Variants in CDC42BPA observed in about 807,000 individuals in gnomAD.
CDC42BPA encodes the protein CDC42 binding protein kinase alpha, also known as serine/threonine-protein kinase MRCK alpha.
In CDC42BPA, 80 loss-of-function variants were observed where a neutral mutation model predicts 223.5. The observed-to-expected ratio is 0.36, with a 90% confidence interval of 0.30 to 0.43. CDC42BPA has a LOEUF of 0.43. CDC42BPA is among the 20% of genes least tolerant of loss of function. The probability of loss-of-function intolerance (pLI) is 1.00; values close to 1 mark genes in which losing one functional copy is unlikely to be tolerated. For missense variants in CDC42BPA, 1,743 were observed against 2,099.9 expected (o/e 0.83, Z 3.32); for synonymous variants, 694 against 718.6 (o/e 0.97, Z 0.55).
intron 9 of CDC42BPA, among the ~76,000 whole-genome samples, 194 bp downstream of exon 9, chr1:227,142,751 C>T (rs546107488): frequency 6.6e-6 from 1 of 152,224 alleles, no homozygotes; most frequent in Non-Finnish European, 1.5e-5. Flanking sequence ...TCCCGAGTAG[C>T]TGGGATTACA....
rs1232143703 is a variant in CDC42BPA at position 227,318,066 on chromosome 1, A to AGCCGC, written c.-889_-885dup. The AGCCGC allele has an allele frequency of 4.5e-4, 127 of 284,030 alleles. No homozygotes were observed. Among genetic ancestry groups the AGCCGC allele is most frequent in the African/African-American group, 2.3e-3 (101 of 44,120 alleles). The allele number at this position is 284,030 out of a possible 1,614,324, so 17.6% of individuals were successfully genotyped here. On this transcript the variant is annotated 5_prime_UTR_variant, in exon 1 of 37. Transcript: ENST00000366766. ...CATGTCGGTGGTCGCTCGTGGGCCG[A>AGCCGC]GCCGCGCCGCGCCGCGCCGGGCAGA...
intron 2 of CDC42BPA, among the ~76,000 whole-genome samples, chr1:227,222,335 C>T (rs891951185): frequency 1.3e-5 from 2 of 151,950 alleles, no homozygotes; most frequent in Non-Finnish European, 2.9e-5. Flanking sequence ...TTGATGAAAC[C>T]CCATCTCTAC....
chr1:227,109,523 G>A (rs1453720147), intron 14 of CDC42BPA, among the ~76,000 whole-genome samples: 3 of 151,830 alleles, frequency 2.0e-5, no homozygotes, highest in African/African-American at 7.3e-5. Flanking sequence ...GCGCCACCAC[G>A]TTCAGCTAAT....
At chr1:227,265,552 C>A (rs940101806) in intron 1 of CDC42BPA, among the ~76,000 whole-genome samples, 3 of 151,542 alleles carry the variant, frequency 2.0e-5, no homozygotes, top group Admixed American at 1.3e-4. Context: ...TCGCTTGAAT[C>A]CGGGAGGTGG....
chr1:227,056,392 CTTTT>C (rs566998997), intron 21 of CDC42BPA, among the ~76,000 whole-genome samples: 3 of 118,036 alleles, frequency 2.5e-5, no homozygotes, highest in Non-Finnish European at 3.9e-5. Flanking sequence ...CTTTTCTTTT[CTTTT>C]TTTTTTTTGA....
chr1:227,180,048 A>C (rs936268007), intron 5 of CDC42BPA, among the ~76,000 whole-genome samples: 1 of 152,134 alleles, frequency 6.6e-6, no homozygotes, highest in Non-Finnish European at 1.5e-5. Context: ...TCTACTAAAA[A>C]TACAAAACTT....
At chr1:227,224,517 C>A (rs1005231991) in intron 2 of CDC42BPA, among the ~76,000 whole-genome samples, 49 of 152,242 alleles carry the variant, frequency 3.2e-4, no homozygotes, top group East Asian at 1.9e-4. Flanking sequence ...GAGGTGTAGC[C>A]ACCACACCCA....
At chr1:227,313,687 G>A (rs1693891647) in intron 1 of CDC42BPA, among the ~76,000 whole-genome samples, 1 of 152,076 alleles carries the variant, frequency 6.6e-6, no homozygotes, top group South Asian at 2.1e-4. Flanking sequence ...AACAGCATAT[G>A]TGAAGAACAA....
chr1:227,075,197 A>G (rs1410282718), intron 17 of CDC42BPA, among the ~76,000 whole-genome samples: 2 of 152,220 alleles, frequency 1.3e-5, no homozygotes, highest in Admixed American at 6.5e-5. Flanking sequence ...AATGCTCACA[A>G]GTGTATTCTA....
chr1:227,066,746 A>T (rs1677176211), intron 21 of CDC42BPA, among the ~76,000 whole-genome samples: 1 of 152,248 alleles, frequency 6.6e-6, no homozygotes. Flanking sequence ...GGAGGGAACC[A>T]GCTTATTAAA....
chr1:227,047,278 T>C (rs1158844681), intron 23 of CDC42BPA, among the ~76,000 whole-genome samples: 1 of 152,194 alleles, frequency 6.6e-6, no homozygotes, highest in Non-Finnish European at 1.5e-5. Flanking sequence ...TTTATGTTTA[T>C]TTTAAATTCA....
rs751852520 is a variant in CDC42BPA at position 227,112,327 on chromosome 1, T to C, written c.1986A>G (p.Glu662=). 7 of 1,588,392 alleles carry C rather than the reference T, an allele frequency of 4.4e-6. No homozygotes were observed. Residue 662 remains glutamate (E), a synonymous_variant, in exon 14 of 37, where the codon GAA becomes GAG. Coordinates refer to ENST00000366766, the MANE Select transcript of CDC42BPA (RefSeq NM_001394014.1). Reference sequence around the variant, plus strand: ...CAAAAGATACCTTCAGTCCCTCCAATTCATTTTCCAGTTGCTTAGAATAGT... The same window carrying C: ...CAAAAGATACCTTCAGTCCCTCCAACTCATTTTCCAGTTGCTTAGAATAGT... ...SEHYSKQLEN[E]LEGLKQKQIS...
chr1:227,035,126 T>C (rs1669982263), intron 25 of CDC42BPA, among the ~76,000 whole-genome samples: 1 of 152,200 alleles, frequency 6.6e-6, no homozygotes, highest in African/African-American at 2.4e-5. Flanking sequence ...AAGTTCAGCT[T>C]ACATTGTAAA....
At chr1:227,045,960 C>G (rs1456986243) in intron 23 of CDC42BPA, among the ~76,000 whole-genome samples, 1 of 152,078 alleles carries the variant, frequency 6.6e-6, no homozygotes, top group Non-Finnish European at 1.5e-5. Context: ...TGCACATCAC[C>G]ACGCCTGGCT....
intron 2 of CDC42BPA, among the ~76,000 whole-genome samples, chr1:227,249,245 T>C (rs778629976): frequency 6.6e-6 from 1 of 152,166 alleles, no homozygotes; most frequent in Admixed American, 6.5e-5. Context: ...AAGAAGGAAA[T>C]TTGATCCCTA....
chr1:227,242,337 T>C (rs1436686868), intron 2 of CDC42BPA, among the ~76,000 whole-genome samples: 1 of 152,142 alleles, frequency 6.6e-6, no homozygotes, highest in Non-Finnish European at 1.5e-5. Context: ...CACTTTCTCC[T>C]GATTCACAAA....
Position 227,218,896 on chromosome 1 carries a change from T to C in CDC42BPA, c.271-5677A>G, listed in dbSNP as rs529092588. ...AACTAAAAACACTACAAAGAGTTTA[T>C]TAAACCAGCTAGAGATATCCTTTCT... On this transcript the variant is annotated intron_variant, in intron 2 of 36. Coordinates refer to ENST00000366766, the MANE Select transcript of CDC42BPA (RefSeq NM_001394014.1). Among the ~76,000 whole-genome samples the C allele has an allele frequency of 1.8e-4, 28 of 152,350 alleles. No individual in the cohort carries two copies. The South Asian group carries it at 5.4e-3, about 29-fold the overall frequency.
At chr1:227,043,500 ACTTCT>A (rs1671806595) in intron 23 of CDC42BPA, among the ~76,000 whole-genome samples, 1 of 151,682 alleles carries the variant, frequency 6.6e-6, no homozygotes, top group Non-Finnish European at 1.5e-5. Context: ...TTATAGATTC[ACTTCT>A]CTATCTTTTA....
chr1:227,141,266 A>T (rs6661802), intron 9 of CDC42BPA, among the ~76,000 whole-genome samples: 108,898 of 152,010 alleles, frequency 0.72, 39,220 homozygotes, highest in South Asian at 0.86. Flanking sequence ...GTTGAAGTAA[A>T]TTTTCTATAA....
Sources: gnomAD v4.1 joint callset for allele counts (sites outside exome capture counted in the v4.1 genomes callset) on GRCh38, gnomAD v4.1.1 for gene constraint, MANE v1.5 for transcripts, NCBI Gene and HGNC (gene_info 2026-07-23, HGNC 2026-07-21) for gene names.